EIPR1: variants seen among roughly 807,000 people sequenced by gnomAD.
EIPR1 encodes EARP and GARP complex-interacting protein 1.
Under a neutral mutation model 48.1 loss-of-function variants are expected in EIPR1, and 25 were observed. That is an observed-to-expected ratio of 0.52 (90% CI 0.38 to 0.73). The LOEUF (loss-of-function observed/expected upper bound fraction) is 0.73, where lower values mean the gene tolerates loss of function less well. Ranked by LOEUF, EIPR1 falls within the 30% of genes least tolerant of loss-of-function variation. EIPR1 has a pLI of 0.00. For synonymous variants in EIPR1, 204 were observed against 201.9 expected, an observed-to-expected ratio of 1.01 and a Z score of -0.09; for missense variants, 415 against 506.2, an observed-to-expected ratio of 0.82 and a Z score of 1.73.
intron 4 of EIPR1, among the ~76,000 whole-genome samples, chr2:3,239,654 T>A (rs2103182986): frequency 6.6e-6 from 1 of 152,120 alleles, no homozygotes; most frequent in South Asian, 2.1e-4. Context: ...CATGTGGCCC[T>A]GCCCTCAGCA....
chr2:3,239,515 T>G (rs201420186), intron 4 of EIPR1, among the ~76,000 whole-genome samples: 4 of 152,214 alleles, frequency 2.6e-5, no homozygotes, highest in Non-Finnish European at 5.9e-5. Context: ...GTCTTCTGAT[T>G]TGGCCATCGT....
chr2:3,347,824 C>T lies in EIPR1; in HGVS notation c.126+6726G>A, dbSNP rs191711322. 1.9e-3 allele frequency among the ~76,000 whole-genome samples: 288 copies of T among 152,282 alleles called. 1 individual carries two copies. Among genetic ancestry groups the T allele is most frequent in the South Asian group, 3.1e-3 (15 of 4,822 alleles). On this transcript the variant is annotated intron_variant, in intron 2 of 8. Coordinates refer to ENST00000382125, the MANE Select transcript of EIPR1 (RefSeq NM_003310.5). ...AAGAAACAGAAATGCGAGTCAGGGA[C>T]GCTTAGTGACAGGCTGGAGCCTCTG...
chr2:3,316,654 G>C (rs1434091340), intron 3 of EIPR1, among the ~76,000 whole-genome samples: 1 of 152,152 alleles, frequency 6.6e-6, no homozygotes, highest in Non-Finnish European at 1.5e-5. Flanking sequence ...CTGTCTTCAC[G>C]TTGACTTTTC....
chr2:3,255,076 A>C (rs1333381479), intron 4 of EIPR1, among the ~76,000 whole-genome samples: 4 of 152,362 alleles, frequency 2.6e-5, no homozygotes, highest in African/African-American at 9.6e-5. Flanking sequence ...AACAAAATGG[A>C]ATTCAAGCAA....
intron 3 of EIPR1, among the ~76,000 whole-genome samples, chr2:3,311,322 T>C (rs1669121457): frequency 6.6e-6 from 1 of 152,194 alleles, no homozygotes; most frequent in African/African-American, 2.4e-5. Context: ...TATACAATAA[T>C]TAGTAGTTTT....
chr2:3,227,919 T>G (rs1013868845), intron 4 of EIPR1, among the ~76,000 whole-genome samples: 3 of 152,266 alleles, frequency 2.0e-5, no homozygotes, highest in Non-Finnish European at 4.4e-5. Flanking sequence ...TATGGAAACC[T>G]CTGCCTAGAT....
intron 3 of EIPR1, among the ~76,000 whole-genome samples, chr2:3,259,736 G>C (rs960163068): frequency 6.6e-6 from 1 of 152,164 alleles, no homozygotes; most frequent in African/African-American, 2.4e-5. Flanking sequence ...AAGGATAGAA[G>C]AGCAATGAAG....
intron 4 of EIPR1, among the ~76,000 whole-genome samples, chr2:3,244,084 C>T (rs760812876): frequency 1.3e-5 from 2 of 152,240 alleles, no homozygotes; most frequent in Admixed American, 1.3e-4. Context: ...CAGAGCTCCT[C>T]CCAGGATGCA....
chr2:3,329,220 C>T (rs113176148), intron 3 of EIPR1, among the ~76,000 whole-genome samples: 18 of 134,062 alleles, frequency 1.3e-4, no homozygotes, highest in African/African-American at 3.7e-4. Flanking sequence ...AGCCCACCCA[C>T]CAGGCTCTAG....
At chr2:3,284,752 C>T (rs931241882) in intron 3 of EIPR1, among the ~76,000 whole-genome samples, 2 of 152,126 alleles carry the variant, frequency 1.3e-5, no homozygotes, top group Non-Finnish European at 2.9e-5. Flanking sequence ...TCCATTTCCC[C>T]GTGTCATTAT....
At chr2:3,270,678 T>C (rs963406745) in intron 3 of EIPR1, among the ~76,000 whole-genome samples, 1 of 152,264 alleles carries the variant, frequency 6.6e-6, no homozygotes, top group Non-Finnish European at 1.5e-5. Context: ...TAAAATACTT[T>C]ATTGCTAAAG....
intron 1 of EIPR1, among the ~76,000 whole-genome samples, chr2:3,360,415 A>AAAAGAAAGAAAG (rs540894721): frequency 4.0e-5 from 6 of 150,148 alleles, no homozygotes; most frequent in African/African-American, 1.5e-4. Flanking sequence ...AAAAAAAAAA[A>AAAAGAAAGAAAG]AAAGAAAGAA....
chr2:3,196,151 T>C (rs1425758749), intron 6 of EIPR1, among the ~76,000 whole-genome samples: 1 of 152,208 alleles, frequency 6.6e-6, no homozygotes, highest in Non-Finnish European at 1.5e-5. Context: ...AGTGATTCTT[T>C]ATTAGCCCCT....
chr2:3,293,650 C>T (rs919297225), intron 3 of EIPR1, among the ~76,000 whole-genome samples: 13 of 152,218 alleles, frequency 8.5e-5, no homozygotes, highest in African/African-American at 2.2e-4. Context: ...ACAGTCCTCC[C>T]GGGTTTTCAG....
At chr2:3,364,058 T>G (rs1206976253) in intron 1 of EIPR1, among the ~76,000 whole-genome samples, 1 of 152,146 alleles carries the variant, frequency 6.6e-6, no homozygotes, top group African/African-American at 2.4e-5. Flanking sequence ...CATACACTAT[T>G]GATGGGAATA....
At chr2:3,354,334 T>C (rs1470769037) in intron 2 of EIPR1, among the ~76,000 whole-genome samples, 1 of 152,240 alleles carries the variant, frequency 6.6e-6, no homozygotes, top group African/African-American at 2.4e-5. Flanking sequence ...ACGGAAGTCA[T>C]GCCAAACAGA....
At chr2:3,369,598 C>T (rs1248788356) in intron 1 of EIPR1, among the ~76,000 whole-genome samples, 7 of 152,304 alleles carry the variant, frequency 4.6e-5, no homozygotes, top group African/African-American at 9.6e-5. Context: ...ACACCTGGCT[C>T]GGAGGGTCCT....
intron 3 of EIPR1, among the ~76,000 whole-genome samples, chr2:3,313,309 C>A (rs961705555): frequency 6.6e-6 from 1 of 152,134 alleles, no homozygotes; most frequent in Non-Finnish European, 1.5e-5. Context: ...GAGGCAGAGA[C>A]CTGGAGGAAG....
At chr2:3,360,404 CAAA>C (rs1386156001) in intron 1 of EIPR1, among the ~76,000 whole-genome samples, 1 of 127,274 alleles carries the variant, frequency 7.9e-6, no homozygotes, top group Non-Finnish European at 1.7e-5. Context: ...GACTCCATCT[CAAA>C]AAAAAAAAAA....
Sources: gnomAD v4.1 joint callset for allele counts (sites outside exome capture counted in the v4.1 genomes callset) on GRCh38, gnomAD v4.1.1 for gene constraint, MANE v1.5 for transcripts, NCBI Gene and HGNC (gene_info 2026-07-23, HGNC 2026-07-21) for gene names.